ROR1: variants seen among roughly 807,000 people sequenced by gnomAD.
The protein encoded by ROR1 is ROR family WNT receptor 1, also known as inactive tyrosine-protein kinase transmembrane receptor ROR1.
In ROR1, 19 loss-of-function variants were observed where a neutral mutation model predicts 78.8. That is an observed-to-expected ratio of 0.24 (90% confidence interval 0.17 to 0.35). ROR1 has a LOEUF of 0.35. ROR1 is among the 10% of genes least tolerant of loss of function. The pLI is 1.00. For synonymous variants in ROR1, 386 were observed against 433.6 expected, an observed-to-expected ratio of 0.89 and a Z score of 1.36; for missense variants, 917 against 1,177.8, an observed-to-expected ratio of 0.78 and a Z score of 3.24.
At chr1:63,888,528 C>CA (rs1429594184) in intron 1 of ROR1, among the ~76,000 whole-genome samples, 1 of 151,994 alleles carries the variant, frequency 6.6e-6, no homozygotes, top group African/African-American at 2.4e-5. Flanking sequence ...GAGGCTGAGA[C>CA]AGGAGGATCA....
Position 63,774,635 on chromosome 1 carries a change from C to T in ROR1, c.91+127C>T, listed in dbSNP as rs1231670294. The T allele has an allele frequency of 2.4e-5, 9 of 370,154 alleles. No homozygotes were observed. The highest frequency in any genetic ancestry group is 1.5e-4 in the East Asian group (1 of 6,608). 22.9% of individuals were successfully genotyped at this position (370,154 alleles called of 1,614,324 possible). On this transcript the variant is annotated intron_variant, in intron 1 of 8. Transcript: ENST00000371079. This position sits in a 1 kb window ranked among gnomAD's most constrained non-coding sequence, Gnocchi z 5.7. Reference sequence around the variant, plus strand: ...GCTCCGGGGCGCGTCCGGCCACCCGCCACGGGGCTCGCCGGCGCCGCCAGG... The same window carrying T: ...GCTCCGGGGCGCGTCCGGCCACCCGTCACGGGGCTCGCCGGCGCCGCCAGG...
At chr1:64,036,940 G>A (rs1211978085) in intron 2 of ROR1, among the ~76,000 whole-genome samples, 2 of 152,168 alleles carry the variant, frequency 1.3e-5, no homozygotes, top group Non-Finnish European at 2.9e-5. Context: ...AACAGCTGGA[G>A]TCTGGAACAG....
chr1:63,855,806 G>A (rs1645144640), intron 1 of ROR1, among the ~76,000 whole-genome samples: 1 of 125,770 alleles, frequency 8.0e-6, no homozygotes, highest in Non-Finnish European at 1.6e-5. Flanking sequence ...ATGCCACCAC[G>A]CCCCACTAAT....
At chr1:63,899,343 T>C (rs1042021215) in intron 1 of ROR1, among the ~76,000 whole-genome samples, 4 of 152,214 alleles carry the variant, frequency 2.6e-5, no homozygotes, top group Non-Finnish European at 5.9e-5. Flanking sequence ...AGCACGTTGA[T>C]AGTTGTGTCC....
At chr1:63,943,926 A>G (rs554176046) in intron 1 of ROR1, among the ~76,000 whole-genome samples, 10 of 152,194 alleles carry the variant, frequency 6.6e-5, no homozygotes, top group Non-Finnish European at 1.5e-4. Flanking sequence ...TTCTGCACAC[A>G]GGCACACACA....
chr1:64,029,816 G>A (rs935314320), intron 2 of ROR1, among the ~76,000 whole-genome samples: 1 of 152,104 alleles, frequency 6.6e-6, no homozygotes, highest in African/African-American at 2.4e-5. Flanking sequence ...ATAAATTTTG[G>A]AGGAACACAG....
chr1:63,779,649 TA>T (rs1365204634), intron 1 of ROR1, among the ~76,000 whole-genome samples: 1 of 152,194 alleles, frequency 6.6e-6, no homozygotes, highest in Non-Finnish European at 1.5e-5. Context: ...TAAACAGCAG[TA>T]AAAAGGCTCT....
At chr1:63,976,469 A>G (rs1227504069) in intron 1 of ROR1, among the ~76,000 whole-genome samples, 1 of 152,206 alleles carries the variant, frequency 6.6e-6, no homozygotes, top group Non-Finnish European at 1.5e-5. Context: ...GCTCCAGGTA[A>G]TGCCAGAGAA....
chr1:63,774,909 G>A lies in ROR1; in HGVS notation c.91+401G>A, dbSNP rs1569680239. On this transcript the variant is annotated intron_variant, in intron 1 of 8. Transcript: ENST00000371079. This position sits in a 1 kb window ranked among gnomAD's most constrained non-coding sequence, Gnocchi z 5.7. ...CAAGTCTATCCTGCCCCCAAGTTGC[G>A]AGCCGGCCCGGAAGGCGCGGTCCAG... Among the ~76,000 whole-genome samples, 1 of 152,102 alleles carries A rather than the reference G, an allele frequency of 6.6e-6. No homozygotes were observed. Among genetic ancestry groups the A allele is most frequent in the Admixed American group, 6.5e-5 (1 of 15,288 alleles).
intron 8 of ROR1, among the ~76,000 whole-genome samples, chr1:64,166,167 A>G (rs1650079990): frequency 6.6e-6 from 1 of 152,216 alleles, no homozygotes; most frequent in Non-Finnish European, 1.5e-5. Flanking sequence ...GTTAAAGATC[A>G]GGTAGTTGTA....
At chr1:64,172,486 G>A (rs1215704978) in intron 8 of ROR1, among the ~76,000 whole-genome samples, 1 of 152,116 alleles carries the variant, frequency 6.6e-6, no homozygotes, top group East Asian at 1.9e-4. Context: ...CTGAAAGCCT[G>A]TTTCAGTTTT....
intron 1 of ROR1, among the ~76,000 whole-genome samples, chr1:63,800,208 G>T (rs982426353): frequency 6.6e-6 from 1 of 152,174 alleles, no homozygotes; most frequent in Non-Finnish European, 1.5e-5. Flanking sequence ...TTGAAAATGT[G>T]AATGAAGAGT....
At chr1:64,013,804 C>T (rs530451470) in intron 2 of ROR1, among the ~76,000 whole-genome samples, 30 of 152,334 alleles carry the variant, frequency 2.0e-4, no homozygotes, top group Non-Finnish European at 2.6e-4. Flanking sequence ...TTATCTATTT[C>T]GTGCCTGCCT....
intron 7 of ROR1, among the ~76,000 whole-genome samples, chr1:64,155,277 C>T (rs924157115): frequency 1.3e-5 from 2 of 152,142 alleles, no homozygotes; most frequent in African/African-American, 4.8e-5. Flanking sequence ...TTGGAAGGCT[C>T]ATTGTTCTAT....
At chr1:64,167,189 C>G (rs1650111400) in intron 8 of ROR1, among the ~76,000 whole-genome samples, 1 of 152,116 alleles carries the variant, frequency 6.6e-6, no homozygotes. Context: ...TATATGAGCC[C>G]AAGTTATGAG....
intron 1 of ROR1, among the ~76,000 whole-genome samples, chr1:63,986,203 A>T (rs1646250632): frequency 6.6e-6 from 1 of 152,224 alleles, no homozygotes; most frequent in Non-Finnish European, 1.5e-5. Context: ...AAAGACCATA[A>T]GCAAGAGGAG....
chr1:63,965,396 A>G lies in ROR1; in HGVS notation c.92-43909A>G, dbSNP rs1646065650. On this transcript the variant is annotated intron_variant, in intron 1 of 8. Coordinates refer to ENST00000371079, the MANE Select transcript of ROR1 (RefSeq NM_005012.4). ...CAGTACTAACTGGTTACTACGATGA[A>G]GAGTGTTGTCGTTGGAAACTTTAGT... Among the ~76,000 whole-genome samples the G allele has an allele frequency of 2.0e-5, 3 of 152,224 alleles. No individual in the cohort carries two copies. In the South Asian group the frequency reaches 6.2e-4, roughly 32 times the overall value.
chr1:63,925,363 A>G (rs1172157370), intron 1 of ROR1, among the ~76,000 whole-genome samples: 1 of 150,834 alleles, frequency 6.6e-6, no homozygotes, highest in Non-Finnish European at 1.5e-5. Flanking sequence ...TTATGGCTGC[A>G]TAGTATTCCA....
chr1:63,912,880 G>C (rs1217707928), intron 1 of ROR1, among the ~76,000 whole-genome samples: 1 of 152,114 alleles, frequency 6.6e-6, no homozygotes, highest in Non-Finnish European at 1.5e-5. Flanking sequence ...ATCTTAGTTG[G>C]GATTAACAAA....
Sources: gnomAD v4.1 joint callset for allele counts (sites outside exome capture counted in the v4.1 genomes callset) on GRCh38, gnomAD v4.1.1 for gene constraint, Gnocchi (gnomAD v3.1) non-coding constraint, MANE v1.5 for transcripts, NCBI Gene and HGNC (gene_info 2026-07-23, HGNC 2026-07-21) for gene names.